Variants in SMYD3 observed in about 807,000 individuals in gnomAD.
SMYD3 encodes the protein histone-lysine N-methyltransferase SMYD3.
Under a neutral mutation model 57.7 loss-of-function variants are expected in SMYD3, and 36 were observed. The ratio of observed to expected loss-of-function variants is 0.62; its 90% CI spans 0.48 to 0.82. The LOEUF (loss-of-function observed/expected upper bound fraction) is 0.82. Ranked by LOEUF, SMYD3 falls within the 40% of genes least tolerant of loss-of-function variation. SMYD3 has a pLI of 0.00. For synonymous variants in SMYD3, 211 were observed against 195.0 expected, an observed-to-expected ratio of 1.08 and a Z score of -0.68; for missense variants, 515 against 538.8, an observed-to-expected ratio of 0.96 and a Z score of 0.44.
At chr1:246,367,652 G>A (rs909597688) in intron 1 of SMYD3, among the ~76,000 whole-genome samples, 14 of 151,980 alleles carry the variant, frequency 9.2e-5, no homozygotes, top group Admixed American at 6.6e-5. Context: ...GGCTGCTCTC[G>A]AACTCCTGGC....
intron 5 of SMYD3, among the ~76,000 whole-genome samples, chr1:245,968,612 T>C (rs1558543014): frequency 6.6e-6 from 1 of 152,142 alleles, no homozygotes; most frequent in Admixed American, 6.6e-5. Flanking sequence ...AAGCCAGATA[T>C]TCATGGATTT....
intron 10 of SMYD3, among the ~76,000 whole-genome samples, chr1:245,797,829 A>C (rs966191051): frequency 1.0e-4 from 3 of 28,824 alleles, no homozygotes; most frequent in African/African-American, 2.8e-4. Context: ...TCCGGGTTCC[A>C]AAAAAAAAAA....
At chr1:246,256,116 CAGTTCA>C (rs1341247147) in intron 5 of SMYD3, among the ~76,000 whole-genome samples, 1 of 152,110 alleles carries the variant, frequency 6.6e-6, no homozygotes, top group Non-Finnish European at 1.5e-5. Flanking sequence ...CAAGGAGAGC[CAGTTCA>C]AGTTCCAAAA....
chr1:246,481,593 C>CATATATAT lies in SMYD3; in HGVS notation c.164+25453_164+25460dup, dbSNP rs1200097586. On this transcript the variant is annotated intron_variant, in intron 1 of 11. Coordinates refer to ENST00000490107, the MANE Select transcript of SMYD3 (RefSeq NM_001167740.2). ...ACGGATCATGGGACTTCTCAGGCTC[C>CATATATAT]ATATATATATATATACACATACATA... 1.2e-3 allele frequency among the ~76,000 whole-genome samples: 34 copies of CATATATAT among 27,916 alleles called. 1 individual carries two copies. Among genetic ancestry groups the CATATATAT allele is most frequent in the African/African-American group, 3.1e-3 (29 of 9,456 alleles). The allele number at this position is 27,916 out of a possible 152,430, so 18.3% of individuals were successfully genotyped here. A position where few individuals can be genotyped will look rare whatever the true frequency, so the allele number is the denominator to read the frequency against.
At chr1:246,195,161 G>A (rs1207517365) in intron 5 of SMYD3, among the ~76,000 whole-genome samples, 1 of 152,152 alleles carries the variant, frequency 6.6e-6, no homozygotes, top group Non-Finnish European at 1.5e-5. Flanking sequence ...CATATGAAGT[G>A]GGATCCCCGG....
At chr1:246,129,646 G>C (rs762078817) in intron 5 of SMYD3, among the ~76,000 whole-genome samples, 29 of 152,178 alleles carry the variant, frequency 1.9e-4, no homozygotes, top group Non-Finnish European at 3.5e-4. Flanking sequence ...TGAATAAAGA[G>C]CTTGTACACA....
At chr1:246,148,081 A>C (rs2061882999) in intron 5 of SMYD3, among the ~76,000 whole-genome samples, 1 of 152,110 alleles carries the variant, frequency 6.6e-6, no homozygotes, top group African/African-American at 2.4e-5. Flanking sequence ...CCCCTCCTTC[A>C]GACCAGGGAG....
At chr1:245,848,968 A>G (rs1429133738) in intron 10 of SMYD3, among the ~76,000 whole-genome samples, 1 of 124,058 alleles carries the variant, frequency 8.1e-6, no homozygotes, top group Non-Finnish European at 1.7e-5. Context: ...TTCTGAAGAC[A>G]GATCCTGGAA....
chr1:245,827,866 C>A (rs539188861), intron 10 of SMYD3, among the ~76,000 whole-genome samples: 1 of 152,214 alleles, frequency 6.6e-6, no homozygotes, highest in African/African-American at 2.4e-5. Context: ...GAGTCCAGAA[C>A]CCAGTCTTCT....
chr1:246,433,422 A>G (rs2067326246), intron 1 of SMYD3, among the ~76,000 whole-genome samples: 1 of 152,222 alleles, frequency 6.6e-6, no homozygotes, highest in African/African-American at 2.4e-5. Flanking sequence ...GCACTTTGGG[A>G]GGCCAAGGTG....
chr1:245,997,425 C>A (rs570572098), intron 5 of SMYD3, among the ~76,000 whole-genome samples: 2 of 152,320 alleles, frequency 1.3e-5, no homozygotes, highest in South Asian at 4.1e-4. Flanking sequence ...CAGAAGACAT[C>A]CTTCCTCCTC....
At chr1:245,818,679 A>C (rs1478042865) in intron 10 of SMYD3, among the ~76,000 whole-genome samples, 2 of 151,988 alleles carry the variant, frequency 1.3e-5, no homozygotes, top group African/African-American at 4.8e-5. Context: ...ACATAGGCTC[A>C]AAATAAAAGG....
intron 1 of SMYD3, among the ~76,000 whole-genome samples, chr1:246,487,695 CTTT>C (rs1169903118): frequency 2.9e-5 from 4 of 138,940 alleles, no homozygotes; most frequent in East Asian, 2.1e-4. Flanking sequence ...CCACTCAGAT[CTTT>C]TTTTTTTTTT....
At chr1:246,363,784 C>T (rs1295043865) in intron 1 of SMYD3, among the ~76,000 whole-genome samples, 4 of 151,954 alleles carry the variant, frequency 2.6e-5, no homozygotes, top group South Asian at 2.1e-4. Context: ...ACAAACACTG[C>T]GGAAGGCCGC....
chr1:245,971,091 T>C (rs1054774797), intron 5 of SMYD3, among the ~76,000 whole-genome samples: 1 of 152,204 alleles, frequency 6.6e-6, no homozygotes, highest in African/African-American at 2.4e-5. Context: ...ATGTGGCACA[T>C]ATACACCACA....
Position 245,928,033 on chromosome 1 carries a change from A to G in SMYD3, c.600T>C (p.Ser200=), listed in dbSNP as rs371775320. 1.9e-5 allele frequency: 31 copies of G among 1,609,026 alleles called. No homozygotes were observed. Among genetic ancestry groups the G allele is most frequent in the African/African-American group, 2.7e-5 (2 of 74,704 alleles). The change falls in exon 7 of 12, where the codon AGT becomes AGC. Residue 200 remains serine (S), a splice_region_variant and synonymous_variant. Coordinates refer to ENST00000490107, the MANE Select transcript of SMYD3 (RefSeq NM_001167740.2). ...CACAGCTGTGATTGAGCAAAGAGATACTGGAAAAAAAAAGGGGGGAAGACT... is the reference window on the plus strand; with the variant it reads ...CACAGCTGTGATTGAGCAAAGAGATGCTGGAAAAAAAAAGGGGGGAAGACT... ...MQEVGVGLYP[S]ISLLNHSCDP...
At chr1:246,480,729 G>A (rs959227571) in intron 1 of SMYD3, among the ~76,000 whole-genome samples, 6 of 152,048 alleles carry the variant, frequency 3.9e-5, no homozygotes, top group South Asian at 4.1e-4. Flanking sequence ...ATGCTATTTT[G>A]GGTCCTTCTG....
chr1:246,079,847 G>C (rs1280046420), intron 5 of SMYD3, among the ~76,000 whole-genome samples: 1 of 152,278 alleles, frequency 6.6e-6, no homozygotes, highest in South Asian at 2.1e-4. Context: ...ATAAATGTTG[G>C]TATTAATTTT....
At chr1:246,028,094 A>G (rs1253473039) in intron 5 of SMYD3, among the ~76,000 whole-genome samples, 2 of 152,216 alleles carry the variant, frequency 1.3e-5, no homozygotes, top group African/African-American at 4.8e-5. Context: ...ATCATTAGAG[A>G]CTGTTACGAA....
Sources: gnomAD v4.1 joint callset for allele counts (sites outside exome capture counted in the v4.1 genomes callset) on GRCh38, gnomAD v4.1.1 for gene constraint, MANE v1.5 for transcripts, NCBI Gene and HGNC (gene_info 2026-07-23, HGNC 2026-07-21) for gene names.